Variants in CFAP20DC observed in about 807,000 individuals in gnomAD.
CFAP20DC encodes the protein protein CFAP20DC.
A neutral mutation model predicts 101.7 loss-of-function variants in CFAP20DC; 84 were observed. That is an observed-to-expected ratio of 0.83 (90% CI 0.69 to 0.99). The LOEUF is 0.99. Among genes scored for constraint, CFAP20DC ranks in the 50% least tolerant of loss-of-function variants. The pLI is 0.00. For synonymous variants in CFAP20DC, 359 were observed against 351.2 expected (o/e 1.02, Z -0.25); for missense variants, 1,007 against 970.3 (o/e 1.04, Z -0.50).
rs73837008 is a variant in CFAP20DC at position 59,007,010 on chromosome 3, C to G, written c.278+32547G>C. 6.6e-6 allele frequency among the ~76,000 whole-genome samples: 1 copy of G among 152,114 alleles called. No homozygotes were observed. The highest frequency in any genetic ancestry group is 1.5e-5 in the Non-Finnish European group (1 of 68,026). The stretch of plus-strand genomic sequence containing the variant: ...ACTCAGTGCTGTTAGTGGGGCACTG[C>G]GAGAGCGAGACTGGCCTTGCCAACT... On this transcript the variant is annotated intron_variant, in intron 4 of 16. Transcript: ENST00000482387. This position sits in a 1 kb window ranked among gnomAD's most constrained non-coding sequence, Gnocchi z 4.4.
At chr3:58,762,045 T>G (rs1255124437) in intron 15 of CFAP20DC, among the ~76,000 whole-genome samples, 1 of 152,222 alleles carries the variant, frequency 6.6e-6, no homozygotes, top group Admixed American at 6.5e-5. Context: ...TGTAGATGTC[T>G]ATTAGGTCTG....
Position 58,868,742 on chromosome 3 carries a change from C to G in CFAP20DC, c.1015+586G>C, listed in dbSNP as rs1308076838. Among the ~76,000 whole-genome samples, 1 of 152,132 alleles carries G rather than the reference C, an allele frequency of 6.6e-6. No individual in the cohort carries two copies. The highest frequency in any genetic ancestry group is 2.4e-5 in the African/African-American group (1 of 41,438). On this transcript the variant is annotated intron_variant, in intron 9 of 16. Transcript: ENST00000482387. This position sits in a 1 kb window ranked among gnomAD's most constrained non-coding sequence, Gnocchi z 4.6. Reference sequence around the variant, plus strand: ...AATATAAAATGAACTTAAATGTCCTCCCTTTTCAACTCTCAGTAAAGTCAG... The same window carrying G: ...AATATAAAATGAACTTAAATGTCCTGCCTTTTCAACTCTCAGTAAAGTCAG...
chr3:58,970,218 A>C (rs1415213334), intron 4 of CFAP20DC: 1 of 152,140 alleles, frequency 6.6e-6, no homozygotes, highest in African/African-American at 2.4e-5. Flanking sequence ...CCCCACAAAG[A>C]TATGTTCAAG....
At chr3:58,738,041 A>G (rs1490719613), downstream of CFAP20DC, among the ~76,000 whole-genome samples, 1 of 152,228 alleles carries the variant, frequency 6.6e-6, no homozygotes, top group Admixed American at 6.5e-5. The surrounding 1 kb of genome is among the most constrained non-coding windows in gnomAD (Gnocchi z 4.4). Flanking sequence ...CTTAACTAGT[A>G]TAATGGAGAA....
intron 13 of CFAP20DC, among the ~76,000 whole-genome samples, chr3:58,845,302 T>C (rs950608692): frequency 6.6e-6 from 1 of 151,454 alleles, no homozygotes; most frequent in Non-Finnish European, 1.5e-5. Context: ...AAGAATCAAA[T>C]AGATGCAATA....
chr3:58,926,634 T>C (rs1236563927), intron 5 of CFAP20DC, among the ~76,000 whole-genome samples: 1 of 152,174 alleles, frequency 6.6e-6, no homozygotes, highest in Non-Finnish European at 1.5e-5. Context: ...AACTTCTACA[T>C]CATTGGCTCT....
chr3:58,765,432 AC>A (rs1181256193), intron 15 of CFAP20DC, among the ~76,000 whole-genome samples: 2 of 145,246 alleles, frequency 1.4e-5, no homozygotes, highest in Non-Finnish European at 3.0e-5. Flanking sequence ...TGGTTCCTAC[AC>A]TTAAAGAGTC....
intron 4 of CFAP20DC, chr3:59,018,057 C>T (rs1210553496): frequency 1.3e-5 from 2 of 152,050 alleles, no homozygotes; most frequent in Non-Finnish European, 2.9e-5. Flanking sequence ...ATTGACCTAT[C>T]AATCAAAGCC....
intron 4 of CFAP20DC, among the ~76,000 whole-genome samples, chr3:58,951,500 G>C (rs1334105014): frequency 6.6e-6 from 1 of 152,092 alleles, no homozygotes; most frequent in African/African-American, 2.4e-5. Context: ...AAGACTTGGA[G>C]CCAAGCCAAA....
chr3:58,999,742 A>G (rs529880933), intron 4 of CFAP20DC, among the ~76,000 whole-genome samples: 1 of 151,468 alleles, frequency 6.6e-6, no homozygotes, highest in Non-Finnish European at 1.5e-5. Context: ...AAAATTTAGT[A>G]TAGAAATACT....
At chr3:58,726,210 G>A (rs1000913399) in intron 3 of CFAP20DC, 1 of 152,210 alleles carries the variant, frequency 6.6e-6, no homozygotes, top group Non-Finnish European at 1.5e-5. Context: ...GACATATTCA[G>A]AGAAAGAACT....
intron 4 of CFAP20DC, 62 bp downstream of exon 4, chr3:59,039,495 T>A: frequency 2.0e-6 from 2 of 984,940 alleles, no homozygotes; most frequent in Non-Finnish European, 3.0e-6. Flanking sequence ...TTGTTGGTAC[T>A]GCTTCAATTG....
At chr3:58,843,392 C>A in intron 13 of CFAP20DC, among the ~76,000 whole-genome samples, 1 of 151,908 alleles carries the variant, frequency 6.6e-6, no homozygotes, top group East Asian at 1.9e-4. Context: ...CCCATGTGAT[C>A]AACTGGAAGA....
At chr3:58,757,473 T>C (rs186984352) in intron 15 of CFAP20DC, among the ~76,000 whole-genome samples, 2,101 of 150,466 alleles carry the variant, frequency 0.014, 38 homozygotes, top group African/African-American at 0.047. Context: ...CCTCACTTTA[T>C]AGTTTGTCTT....
At chr3:58,875,778 A>G (rs2080697409) in intron 7 of CFAP20DC, among the ~76,000 whole-genome samples, 1 of 142,878 alleles carries the variant, frequency 7.0e-6, no homozygotes, top group Non-Finnish European at 1.5e-5. Flanking sequence ...ATTAAAAAGA[A>G]CTTTTGTGGG....
Position 58,907,392 on chromosome 3 carries a change from C to T in CFAP20DC, c.550+6316G>A, listed in dbSNP as rs375038376. Among the ~76,000 whole-genome samples the T allele has an allele frequency of 2.0e-5, 3 of 152,288 alleles. No homozygotes were observed. The East Asian group carries it at 5.8e-4, about 29-fold the overall frequency. ...ACCATTGGGATTTAATACACTATTA[C>T]ATGTAAGGTTTCTTGCCAGACCCTG... On this transcript the variant is annotated intron_variant, in intron 6 of 16. Transcript: ENST00000482387.
At chr3:58,907,817 T>C (rs752773621) in intron 6 of CFAP20DC, among the ~76,000 whole-genome samples, 1 of 152,160 alleles carries the variant, frequency 6.6e-6, no homozygotes, top group Non-Finnish European at 1.5e-5. Context: ...ATAGGGTGCG[T>C]ACAAGGCGAA....
intron 12 of CFAP20DC, among the ~76,000 whole-genome samples, chr3:58,855,544 A>T (rs2078701711): frequency 6.6e-6 from 1 of 152,122 alleles, no homozygotes; most frequent in Non-Finnish European, 1.5e-5. Flanking sequence ...ACACATGTTT[A>T]TTGCGGCATT....
Position 58,799,989 on chromosome 3 carries a change from G to A in CFAP20DC, c.2237+6406C>T, listed in dbSNP as rs2073566228. Among the ~76,000 whole-genome samples the A allele has an allele frequency of 6.6e-6, 1 of 152,178 alleles. No homozygotes were observed. Among genetic ancestry groups the A allele is most frequent in the Non-Finnish European group, 1.5e-5 (1 of 68,024 alleles). On this transcript the variant is annotated intron_variant, in intron 15 of 16. Transcript: ENST00000482387. The surrounding 1 kb of genome is among the most constrained non-coding windows in gnomAD (Gnocchi z 4.9). ...TCCATCCAGGCAGCACTCCTAAGTG[G>A]GGACCAAGCCTGGAGTATCAGAGGG...
Sources: gnomAD v4.1 joint callset for allele counts (sites outside exome capture counted in the v4.1 genomes callset) on GRCh38, gnomAD v4.1.1 for gene constraint, Gnocchi (gnomAD v3.1) non-coding constraint, MANE v1.5 for transcripts, NCBI Gene and HGNC (gene_info 2026-07-23, HGNC 2026-07-21) for gene names.